TMEM67: variants seen among roughly 807,000 people sequenced by gnomAD.
TMEM67 encodes the protein meckelin.
TMEM67 carries 124 observed loss-of-function variants against 136.6 expected under a neutral mutation model. The observed-to-expected ratio is 0.91, with a 90% confidence interval of 0.78 to 1.05. The LOEUF is 1.05. Ranked by LOEUF, TMEM67 falls within the 50% of genes least tolerant of loss-of-function variation. TMEM67 has a pLI of 0.00. For synonymous variants in TMEM67, 364 were observed against 390.5 expected (o/e 0.93, Z 0.80); for missense variants, 1,107 against 1,178.4 (o/e 0.94, Z 0.89).
At chr8:93,792,938 A>C (rs1273273094) in intron 15 of TMEM67, among the ~76,000 whole-genome samples, 1 of 151,798 alleles carries the variant, frequency 6.6e-6, no homozygotes, top group Admixed American at 6.6e-5. Flanking sequence ...ATGCCCAGCT[A>C]ATTTTTTGTA....
chr8:93,824,413 A>G, the TMEM67 span, among the ~76,000 whole-genome samples: 1 of 152,210 alleles, frequency 6.6e-6, no homozygotes, highest in Non-Finnish European at 1.5e-5. Flanking sequence ...TAACTCCCGG[A>G]GGGTAAAAGG....
intron 3 of TMEM67, among the ~76,000 whole-genome samples, chr8:93,760,782 A>G (rs1369040134): frequency 2.6e-5 from 4 of 152,156 alleles, no homozygotes; most frequent in Non-Finnish European, 5.9e-5. Context: ...CTAAAGAAAA[A>G]TATTAATGCA....
intron 23 of TMEM67, among the ~76,000 whole-genome samples, chr8:93,805,726 C>T (rs958017403): frequency 4.6e-5 from 7 of 152,066 alleles, no homozygotes; most frequent in Non-Finnish European, 8.8e-5. Context: ...AAAGTTCCTC[C>T]TTATAGAAGA....
intron 21 of TMEM67, among the ~76,000 whole-genome samples, chr8:93,801,400 ATTT>A (rs56967457): frequency 7.2e-6 from 1 of 139,670 alleles, no homozygotes; most frequent in Admixed American, 7.2e-5. Flanking sequence ...ACACCCAGCA[ATTT>A]TTTTTTTTTT....
At chr8:93,788,777 A>G (rs755183419) in intron 14 of TMEM67, among the ~76,000 whole-genome samples, 16 of 152,180 alleles carry the variant, frequency 1.1e-4, no homozygotes, top group Admixed American at 2.0e-4. Context: ...TAGGTTTCCC[A>G]CTACTTCACC....
intron 14 of TMEM67, among the ~76,000 whole-genome samples, chr8:93,789,275 C>T (rs547735342): frequency 1.3e-5 from 2 of 152,212 alleles, no homozygotes; most frequent in East Asian, 1.9e-4. Context: ...AAAGACTTTC[C>T]ATCCTCATTT....
chr8:93,809,736 A>C, intron 25 of TMEM67, 49 bp from the exon 26 acceptor site: 1 of 1,070,390 alleles, frequency 9.3e-7, no homozygotes, highest in African/African-American at 1.6e-5. Context: ...ATTGCAAAGC[A>C]TTTATTTCAC....
chr8:93,777,093 T>C (rs1813581554), intron 7 of TMEM67, among the ~76,000 whole-genome samples: 1 of 152,224 alleles, frequency 6.6e-6, no homozygotes. Context: ...GGTGTATGTG[T>C]CGAGGAATTT....
intron 7 of TMEM67, among the ~76,000 whole-genome samples, chr8:93,776,592 T>A (rs183344470): frequency 6.6e-6 from 1 of 152,222 alleles, no homozygotes; most frequent in Non-Finnish European, 1.5e-5. Context: ...AGGTCTGTTT[T>A]GCATCTGTTG....
intron 6 of TMEM67, among the ~76,000 whole-genome samples, chr8:93,770,098 C>A (rs982991588): frequency 6.6e-6 from 1 of 152,130 alleles, no homozygotes. Flanking sequence ...GTTTTCCCAA[C>A]TTTTATTTTG....
chr8:93,758,503 C>A lies in TMEM67; in HGVS notation c.333C>A (p.Gly111=). Reference sequence around the variant, plus strand: ...TTTAGAAAGGTGTTACAGAAGATGGCTGGAACTGCATTTCTTGCCCTAGTG... The same window carrying A: ...TTTAGAAAGGTGTTACAGAAGATGGATGGAACTGCATTTCTTGCCCTAGTG... The part of the protein sequence containing the change: ...PENMKGVTED[G]WNCISCPSDL... Residue 111 remains glycine (G), a synonymous_variant, in exon 3 of 28, where the codon GGC becomes GGA. Transcript: ENST00000453321. 6.2e-7 allele frequency: 1 copy of A among 1,613,634 alleles called. No homozygotes were observed. Among genetic ancestry groups the A allele is most frequent in the East Asian group, 2.2e-5 (1 of 44,858 alleles).
intron 7 of TMEM67, among the ~76,000 whole-genome samples, chr8:93,776,023 T>C (rs1458870804): frequency 6.6e-6 from 1 of 152,214 alleles, no homozygotes; most frequent in Non-Finnish European, 1.5e-5. Context: ...TCCTCCTTTA[T>C]TTCATTGAGC....
chr8:93,827,118 A>T, the TMEM67 span, among the ~76,000 whole-genome samples: 10 of 152,352 alleles, frequency 6.6e-5, no homozygotes, highest in African/African-American at 2.4e-4. Context: ...GACGTGAGCC[A>T]CCCCACCTGG....
chr8:93,782,104 C>T (rs1468057759), intron 10 of TMEM67, among the ~76,000 whole-genome samples: 2 of 152,078 alleles, frequency 1.3e-5, no homozygotes, highest in South Asian at 2.1e-4. Flanking sequence ...TTAGTAGAGA[C>T]GGGATTTCAC....
At chr8:93,820,400 T>C (rs149832472), downstream of TMEM67, among the ~76,000 whole-genome samples, 273 of 152,258 alleles carry the variant, frequency 1.8e-3, 7 homozygotes, top group South Asian at 0.023. Flanking sequence ...ATCACGTGCA[T>C]GGAGTGTTTA....
intron 25 of TMEM67, among the ~76,000 whole-genome samples, 153 bp from the exon 26 acceptor site, chr8:93,809,632 T>C (rs546117227): frequency 1.6e-4 from 24 of 152,346 alleles, no homozygotes; most frequent in African/African-American, 4.8e-4. Context: ...AATTTTGTTA[T>C]AGGTTTCAAT....
At chr8:93,823,474 A>G (rs955134446), downstream of TMEM67, among the ~76,000 whole-genome samples, 1 of 151,868 alleles carries the variant, frequency 6.6e-6, no homozygotes, top group East Asian at 1.9e-4. Flanking sequence ...AACACTATCT[A>G]TCTGTAGGGT....
At position 93,765,492 on chromosome 8, in the gene TMEM67, T is replaced by C. The variant is rs367982641; in HGVS notation, c.576+17T>C. 4.4e-6 allele frequency: 7 copies of C among 1,608,074 alleles called. No homozygotes were observed. Among genetic ancestry groups the C allele is most frequent in the Admixed American group, 1.7e-5 (1 of 60,002 alleles). ...AACATTTTAGTAAGGCTAACCAAAT[T>C]GATAAAGTATATATATTTTTAATTC... On this transcript the variant is annotated intron_variant, in intron 5 of 27. Transcript: ENST00000453321.
rs377764263 is a variant in TMEM67 at position 93,816,662 on chromosome 8, G to T, written c.*210G>T. The T allele has an allele frequency of 1.4e-4, 50 of 359,384 alleles. 3 individuals are homozygous for T. The highest frequency in any genetic ancestry group is 8.5e-4 in the Admixed American group (20 of 23,398). 22.3% of individuals were successfully genotyped at this position (359,384 alleles called of 1,614,324 possible). ...TTTCCCATTGTGTGTAGTATTTAAT[G>T]CAGTAAATAATAAATTAATACTGAC... On this transcript the variant is annotated 3_prime_UTR_variant, in exon 28 of 28. Transcript: ENST00000453321.
Sources: gnomAD v4.1 joint callset for allele counts (sites outside exome capture counted in the v4.1 genomes callset) on GRCh38, gnomAD v4.1.1 for gene constraint, MANE v1.5 for transcripts, NCBI Gene and HGNC (gene_info 2026-07-23, HGNC 2026-07-21) for gene names.